MCC: variants seen among roughly 807,000 people sequenced by gnomAD.
The protein encoded by MCC is MCC regulator of Wnt signaling pathway, also known as colorectal mutant cancer protein.
Under a neutral mutation model 116.2 loss-of-function variants are expected in MCC, and 90 were observed. The ratio of observed to expected loss-of-function variants is 0.77; its 90% CI spans 0.65 to 0.92. MCC has a LOEUF of 0.92. MCC is among the 40% of genes least tolerant of loss of function. MCC has a pLI of 0.00. For synonymous variants in MCC, 578 were observed against 510.5 expected, an observed-to-expected ratio of 1.13 and a Z score of -1.78; for missense variants, 1,516 against 1,312.2, an observed-to-expected ratio of 1.16 and a Z score of -2.40.
chr5:113,171,499 C>T (rs561005043), intron 3 of MCC, among the ~76,000 whole-genome samples: 3 of 152,080 alleles, frequency 2.0e-5, no homozygotes, highest in African/African-American at 4.8e-5. Flanking sequence ...GGACTACAGG[C>T]ATGCACTATT....
intron 1 of MCC, among the ~76,000 whole-genome samples, chr5:113,419,160 T>G (rs1490701375): frequency 6.6e-6 from 1 of 150,950 alleles, no homozygotes; most frequent in Non-Finnish European, 1.5e-5. Flanking sequence ...AATATTCTTT[T>G]TTTTCTTTCT....
intron 3 of MCC, among the ~76,000 whole-genome samples, chr5:113,255,262 G>C (rs907965415): frequency 1.3e-5 from 2 of 152,180 alleles, no homozygotes; most frequent in African/African-American, 2.4e-5. Flanking sequence ...AAGTCCTCGA[G>C]GAGGTTTCCT....
chr5:113,474,887 A>G (rs996481922), intron 1 of MCC, among the ~76,000 whole-genome samples: 3 of 152,348 alleles, frequency 2.0e-5, no homozygotes, highest in African/African-American at 4.8e-5. Context: ...TTAAGACTAC[A>G]TCACATAAGA....
chr5:113,257,076 G>A (rs1201956132), intron 3 of MCC, among the ~76,000 whole-genome samples: 1 of 152,152 alleles, frequency 6.6e-6, no homozygotes, highest in Non-Finnish European at 1.5e-5. Context: ...CTCCTTTTGT[G>A]TTTTCCCCTC....
chr5:113,361,477 A>G lies in MCC; in HGVS notation c.416-20747T>C, dbSNP rs147658169. Reference sequence around the variant, plus strand: ...TAAGTACTGCTTGAGTTGCATTTCAATTGATATTTACATAATCTTTCAATT... The same window carrying G: ...TAAGTACTGCTTGAGTTGCATTTCAGTTGATATTTACATAATCTTTCAATT... On this transcript the variant is annotated intron_variant, in intron 2 of 18. Transcript: ENST00000408903. Among the ~76,000 whole-genome samples, 316 of 152,316 alleles carry G rather than the reference A, an allele frequency of 2.1e-3. 2 individuals are homozygous for G. The highest frequency in any genetic ancestry group is 7.2e-3 in the African/African-American group (300 of 41,566).
intron 3 of MCC, among the ~76,000 whole-genome samples, chr5:113,248,047 G>C (rs1764641906): frequency 6.6e-6 from 1 of 152,010 alleles, no homozygotes; most frequent in South Asian, 2.1e-4. Context: ...GGAAGAAGCA[G>C]AAGTCAGGGA....
At chr5:113,249,729 G>A (rs1764722124) in intron 3 of MCC, among the ~76,000 whole-genome samples, 2 of 152,302 alleles carry the variant, frequency 1.3e-5, no homozygotes, top group Middle Eastern at 3.4e-3. Context: ...AGTCAGAGCA[G>A]CATGCTTCAT....
In MCC at chr5:113,365,649, A is replaced by G. The variant is rs560306109; in HGVS notation, c.415+19319T>C. Among the ~76,000 whole-genome samples, 11 of 152,218 alleles carry G rather than the reference A, an allele frequency of 7.2e-5. No homozygotes were observed. In the South Asian group the frequency reaches 2.3e-3, roughly 31 times the overall value. ...TATTAGTTCATTCTTGCATTGCTAT[A>G]AAGAAATACCTGAGACTGGGTAATT... On this transcript the variant is annotated intron_variant, in intron 2 of 18. Coordinates refer to ENST00000408903, the MANE Select transcript of MCC (RefSeq NM_001085377.2).
At chr5:113,033,168 C>G (rs1458989823) in intron 17 of MCC, among the ~76,000 whole-genome samples, 1 of 152,194 alleles carries the variant, frequency 6.6e-6, no homozygotes, top group Non-Finnish European at 1.5e-5. Flanking sequence ...AACAGCATTA[C>G]CAGATATTTT....
chr5:113,083,985 A>C (rs905060508), intron 10 of MCC, 116 bp downstream of exon 10: 7 of 758,588 alleles, frequency 9.2e-6, no homozygotes, highest in Admixed American at 2.2e-5. Context: ...ATGATTTACT[A>C]TTATAACTAA....
chr5:113,309,352 C>A (rs1270879723), intron 3 of MCC, among the ~76,000 whole-genome samples: 1 of 152,178 alleles, frequency 6.6e-6, no homozygotes, highest in African/African-American at 2.4e-5. Context: ...TCCCACCCTC[C>A]CCCACTGAGT....
chr5:113,038,312 T>C (rs970478774), intron 17 of MCC, among the ~76,000 whole-genome samples: 13 of 152,058 alleles, frequency 8.5e-5, no homozygotes, highest in Admixed American at 8.5e-4. Context: ...AAGGAACAGC[T>C]GAAGACATGA....
intron 3 of MCC, among the ~76,000 whole-genome samples, chr5:113,228,079 AT>A (rs1217402123): frequency 3.3e-5 from 5 of 152,222 alleles, no homozygotes; most frequent in African/African-American, 1.2e-4. Flanking sequence ...AGATCAGAGA[AT>A]TTGCCTACTT....
At position 113,367,761 on chromosome 5, in the gene MCC, C is replaced by A. The variant is rs1319012806; in HGVS notation, c.415+17207G>T. Among the ~76,000 whole-genome samples the A allele has an allele frequency of 2.6e-5, 4 of 151,886 alleles. No homozygotes were observed. The East Asian group carries it at 7.7e-4, about 29-fold the overall frequency. Reference sequence around the variant, plus strand: ...GGAAATGACATCAGGGTAGGGTATGCTGGCTGAGGGGTAGGGCATATAGGT... The same window carrying A: ...GGAAATGACATCAGGGTAGGGTATGATGGCTGAGGGGTAGGGCATATAGGT... On this transcript the variant is annotated intron_variant, in intron 2 of 18. Transcript: ENST00000408903.
chr5:113,127,083 CA>C (rs752862713), intron 5 of MCC, among the ~76,000 whole-genome samples: 26 of 152,158 alleles, frequency 1.7e-4, no homozygotes, highest in Non-Finnish European at 3.2e-4. Flanking sequence ...CATTTGTTAT[CA>C]TTTAGCTCCC....
intron 3 of MCC, among the ~76,000 whole-genome samples, chr5:113,153,035 T>A (rs1296319151): frequency 6.6e-6 from 1 of 152,168 alleles, no homozygotes; most frequent in Non-Finnish European, 1.5e-5. Flanking sequence ...ACGAATTCAC[T>A]CCCTTTGATG....
intron 1 of MCC, among the ~76,000 whole-genome samples, chr5:113,445,083 C>T (rs1214592723): frequency 1.3e-5 from 2 of 152,196 alleles, no homozygotes; most frequent in African/African-American, 4.8e-5. Flanking sequence ...CACTTCAATT[C>T]TCTCCATCTT....
At chr5:113,181,167 T>G (rs1190863651) in intron 3 of MCC, among the ~76,000 whole-genome samples, 1 of 152,216 alleles carries the variant, frequency 6.6e-6, no homozygotes. Context: ...ACATGAATTT[T>G]GATGGGAAGC....
chr5:113,315,294 CA>C (rs1767249964), intron 3 of MCC, among the ~76,000 whole-genome samples: 2 of 152,086 alleles, frequency 1.3e-5, no homozygotes, highest in African/African-American at 2.4e-5. Flanking sequence ...CAGCAGTTCC[CA>C]AAGGTACTGC....
Sources: gnomAD v4.1 joint callset for allele counts (sites outside exome capture counted in the v4.1 genomes callset) on GRCh38, gnomAD v4.1.1 for gene constraint, MANE v1.5 for transcripts, NCBI Gene and HGNC (gene_info 2026-07-23, HGNC 2026-07-21) for gene names.